Variants in ITGB1 observed in about 807,000 individuals in gnomAD.
The protein encoded by ITGB1 is integrin subunit beta 1, also known as integrin beta-1.
ITGB1 carries 24 observed loss-of-function variants against 86.5 expected under a neutral mutation model. That is an observed-to-expected ratio of 0.28 (90% CI 0.20 to 0.39). ITGB1 has a LOEUF of 0.39. Ranked by LOEUF, ITGB1 falls within the 10% of genes least tolerant of loss-of-function variation. The pLI is 1.00. For missense variants in ITGB1, 556 were observed against 946.9 expected (o/e 0.59, Z 5.42); for synonymous variants, 323 against 316.8 (o/e 1.02, Z -0.21).
chr10:32,917,786 C>T (rs192599782), intron 11 of ITGB1, among the ~76,000 whole-genome samples: 1,788 of 152,242 alleles, frequency 0.012, 13 homozygotes, highest in Non-Finnish European at 0.014. Context: ...GACAGTGTAG[C>T]GATTCCTCAA....
chr10:32,911,938 G>T lies in ITGB1; in HGVS notation c.1656C>A (p.Phe552Leu). 2 of 1,614,006 alleles carry T rather than the reference G, an allele frequency of 1.2e-6. No homozygotes were observed. Among genetic ancestry groups the T allele is most frequent in the Non-Finnish European group, 1.7e-6 (2 of 1,179,998 alleles). ...DNTNEIYSGK[F>L]CECDNFNCDR... Reference sequence around the variant, plus strand: ...CACAGTTGAAATTATCACACTCGCAGAATTTGCCAGAATAAATTTCATTTG... The same window carrying T: ...CACAGTTGAAATTATCACACTCGCATAATTTGCCAGAATAAATTTCATTTG... Residue 552 changes from phenylalanine (F) to leucine (L), a missense_variant, in exon 12 of 16, where the codon TTC becomes TTA. Transcript: ENST00000302278.
intron 1 of ITGB1, among the ~76,000 whole-genome samples, chr10:32,940,206 G>C (rs1362760595): frequency 6.6e-6 from 1 of 152,050 alleles, no homozygotes; most frequent in Non-Finnish European, 1.5e-5. Flanking sequence ...TTAGCTTGGC[G>C]TGGTGGTGCG....
At chr10:32,941,740 C>T (rs960602845) in intron 1 of ITGB1, among the ~76,000 whole-genome samples, 5 of 152,082 alleles carry the variant, frequency 3.3e-5, no homozygotes, top group Non-Finnish European at 5.9e-5. Context: ...ATTCAGATAA[C>T]AGCAACAAAC....
chr10:32,929,018 T>C (rs1358011940), intron 4 of ITGB1, among the ~76,000 whole-genome samples: 1 of 151,940 alleles, frequency 6.6e-6, no homozygotes, highest in Non-Finnish European at 1.5e-5. Context: ...AGCATACAAT[T>C]GGGTTTTAAA....
At chr10:32,907,993 GTTTT>G (rs911073337) in intron 15 of ITGB1, among the ~76,000 whole-genome samples, 4 of 151,780 alleles carry the variant, frequency 2.6e-5, no homozygotes, top group East Asian at 1.9e-4. Context: ...TTCACTGAAG[GTTTT>G]TTTTGTTTGT....
At chr10:32,935,998 T>TC (rs2095000453) in intron 1 of ITGB1, 1 of 153,870 alleles carries the variant, frequency 6.5e-6, no homozygotes, top group African/African-American at 2.4e-5. Context: ...TGCTGAACAT[T>TC]CGTTTTCAAA....
chr10:32,945,853 T>G (rs1005795487), intron 1 of ITGB1, among the ~76,000 whole-genome samples: 1 of 152,178 alleles, frequency 6.6e-6, no homozygotes, highest in African/African-American at 2.4e-5. Context: ...ATATGCTGTA[T>G]TTATTTTGTT....
intron 2 of ITGB1, among the ~76,000 whole-genome samples, chr10:32,934,542 A>T (rs1280421533): frequency 6.6e-6 from 1 of 152,220 alleles, no homozygotes; most frequent in Non-Finnish European, 1.5e-5. Context: ...GGCAGTGTAC[A>T]AATACCATTT....
intron 15 of ITGB1, among the ~76,000 whole-genome samples, chr10:32,902,688 T>C (rs2094885023): frequency 6.6e-6 from 1 of 152,240 alleles, no homozygotes; most frequent in Admixed American, 6.5e-5. Flanking sequence ...TAAAAAAATA[T>C]TTATAGAAAG....
Position 32,912,042 on chromosome 10 carries a change from T to C in ITGB1, c.1552A>G (p.Lys518Glu). The part of the protein sequence containing the change: ...NSEDMDAYCR[K>E]ENSSEICSNN... ...CTGCAGATTTCTGAACTGTTTTCTT[T>C]CCTGCAGTAAGCATCCATGTCTTCA... The change falls in exon 12 of 16, where the codon AAA (lysine) becomes GAA (glutamate). Residue 518 changes from lysine (K) to glutamate (E), a missense_variant. This residue lies in a region of ITGB1 where 330 missense variants were observed against 531.5 expected (regional missense o/e 0.62). Coordinates refer to ENST00000302278, the MANE Select transcript of ITGB1 (RefSeq NM_002211.4). The C allele has an allele frequency of 6.2e-7, 1 of 1,614,244 alleles. No homozygotes were observed. Among genetic ancestry groups the C allele is most frequent in the Non-Finnish European group, 8.5e-7 (1 of 1,180,038 alleles).
At chr10:32,920,467 G>A in intron 9 of ITGB1, 82 bp from the exon 10 acceptor site, 6 of 1,228,264 alleles carry the variant, frequency 4.9e-6, no homozygotes, top group Admixed American at 4.4e-5. Flanking sequence ...AAACTGCTCA[G>A]AAAAAAATAT....
intron 13 of ITGB1, among the ~76,000 whole-genome samples, chr10:32,911,224 G>C (rs1040721319): frequency 6.6e-6 from 1 of 152,106 alleles, no homozygotes; most frequent in African/African-American, 2.4e-5. Context: ...AGCACATTCA[G>C]ATCAAAATAA....
At position 32,929,996 on chromosome 10, in the gene ITGB1, C is replaced by T. The variant is rs1454318304; in HGVS notation, c.202G>A (p.Glu68Lys). 9.9e-7 allele frequency: 1 copy of T among 1,008,470 alleles called. No individual in the cohort carries two copies. The highest frequency in any genetic ancestry group is 1.6e-6 in the Non-Finnish European group (1 of 626,092). The allele number at this position is 1,008,470 out of a possible 1,614,324, so 62.5% of individuals were successfully genotyped here. ...GGGCAACCCTTCTTTTTTAAGGCTT[C>T]TAAATCATCACATCGTGCAGAAGTA... Reference protein sequence around the residue: ...MPTSARCDDLEALKKKGCPPD... With the variant: ...MPTSARCDDLKALKKKGCPPD... Residue 68 changes from glutamate to lysine, a missense_variant, in exon 4 of 16, where the codon GAA (glutamate) becomes AAA (lysine). Physicochemically the swap from Glu to Lys is moderately conservative, Grantham distance 56. This residue lies in a region of ITGB1 where 183 missense variants were observed against 263.9 expected (regional missense o/e 0.69). Transcript: ENST00000302278.
chr10:32,946,750 G>T (rs1419679615), intron 1 of ITGB1, among the ~76,000 whole-genome samples: 1 of 6,320 alleles, frequency 1.6e-4, no homozygotes, highest in Admixed American at 2.0e-3. Flanking sequence ...ATGTATTTCT[G>T]GGGGGGGGGG....
intron 12 of ITGB1, 80 bp from the exon 13 acceptor site, chr10:32,911,750 C>A (rs2094914180): frequency 2.7e-6 from 4 of 1,509,002 alleles, no homozygotes; most frequent in South Asian, 1.2e-5. Flanking sequence ...TAAGCAACAA[C>A]ATGTGAGAAA....
At chr10:32,927,456 AG>A (rs1312161167) in intron 5 of ITGB1, among the ~76,000 whole-genome samples, 1 of 152,230 alleles carries the variant, frequency 6.6e-6, no homozygotes, top group Non-Finnish European at 1.5e-5. Context: ...CATACTAATT[AG>A]CAATTAGATA....
At position 32,920,403 on chromosome 10, in the gene ITGB1, T is replaced by C. The variant is rs1259174997; in HGVS notation, c.1129-18A>G. ...GAAAGGGACTAAAAGAATGCCTAAT[T>C]ATACACAGGAAAAGTCAAACAAAAT... On this transcript the variant is annotated intron_variant, in intron 9 of 15. Coordinates refer to ENST00000302278, the MANE Select transcript of ITGB1 (RefSeq NM_002211.4). 1.2e-6 allele frequency: 2 copies of C among 1,610,256 alleles called. No homozygotes were observed. The highest frequency in any genetic ancestry group is 2.7e-5 in the African/African-American group (2 of 74,780).
intron 1 of ITGB1, among the ~76,000 whole-genome samples, chr10:32,941,495 A>C (rs1218335171): frequency 2.0e-5 from 3 of 152,200 alleles, no homozygotes; most frequent in Non-Finnish European, 4.4e-5. Context: ...AGGAACGAAG[A>C]CCAAGCAAGC....
At chr10:32,907,918 C>T (rs1405484017) in intron 15 of ITGB1, among the ~76,000 whole-genome samples, 2 of 152,158 alleles carry the variant, frequency 1.3e-5, no homozygotes, top group African/African-American at 4.8e-5. Context: ...CTATTCTGGG[C>T]TGCATGTCCT....
Sources: allele counts gnomAD v4.1 joint callset (sites outside exome capture counted in the v4.1 genomes callset), GRCh38; gene constraint gnomAD v4.1.1; regional missense constraint gnomAD v4.1.1; transcripts MANE v1.5; gene names NCBI Gene and HGNC (gene_info 2026-07-23, HGNC 2026-07-21).